DHRSX: variants seen among roughly 807,000 people sequenced by gnomAD.
DHRSX encodes dehydrogenase/reductase X-linked.
DHRSX carries 31 observed loss-of-function variants against 34.0 expected under a neutral mutation model. The observed-to-expected ratio is 0.91, with a 90% CI of 0.69 to 1.23. DHRSX has a LOEUF of 1.23. Among genes scored for constraint, DHRSX ranks in the 50% most tolerant of loss-of-function variants. The pLI, the probability that DHRSX is intolerant of heterozygous loss-of-function variation, is 0.00. For missense variants in DHRSX, 414 were observed against 428.1 expected (o/e 0.97, Z 0.29); for synonymous variants, 201 against 183.8 (o/e 1.09, Z -0.76).
At chrX:2,325,276 A>G (rs2042367540) in intron 3 of DHRSX, among the ~76,000 whole-genome samples, 2 of 151,794 alleles carry the variant, frequency 1.3e-5, no homozygotes, top group Non-Finnish European at 1.5e-5. Flanking sequence ...TGGCGGCTCC[A>G]TCTTCCGGGC....
intron 1 of DHRSX, chrX:2,489,561 C>T: frequency 5.6e-6 from 9 of 1,612,716 alleles, no homozygotes; most frequent in Non-Finnish European, 7.6e-6. Flanking sequence ...TCGCTGGCCT[C>T]CAGCATGAGG....
intron 3 of DHRSX, among the ~76,000 whole-genome samples, chrX:2,400,598 C>T (rs1307313011): frequency 6.6e-6 from 1 of 152,138 alleles, no homozygotes; most frequent in Non-Finnish European, 1.5e-5. Context: ...TCAGAAGATA[C>T]CTGTGCACAG....
At chrX:2,500,744 G>C in intron 1 of DHRSX, 73 bp downstream of exon 1, 96 of 440,762 alleles carry the variant, frequency 2.2e-4, no homozygotes, top group Middle Eastern at 1.1e-3. Context: ...CGGAGCCCCC[G>C]CGCCCCCGCC....
At chrX:2,270,807 C>A (rs2041541055) in intron 4 of DHRSX, among the ~76,000 whole-genome samples, 1 of 152,176 alleles carries the variant, frequency 6.6e-6, no homozygotes, top group South Asian at 2.1e-4. Flanking sequence ...ATTGTAAAGG[C>A]ACCAATCAGC....
chrX:2,314,179 AGGAAGGAG>A (rs1167168419), intron 3 of DHRSX, among the ~76,000 whole-genome samples: 5 of 117,104 alleles, frequency 4.3e-5, no homozygotes, highest in African/African-American at 1.3e-4. Flanking sequence ...GAGGGACGGA[AGGAAGGAG>A]GGAAGGAGGG....
chrX:2,321,046 C>T (rs1398558456), intron 3 of DHRSX, among the ~76,000 whole-genome samples: 2 of 152,064 alleles, frequency 1.3e-5, no homozygotes, highest in Non-Finnish European at 2.9e-5. Context: ...CCACTTCAGC[C>T]GAACACTGGC....
At chrX:2,315,457 C>G (rs2042231095) in intron 3 of DHRSX, among the ~76,000 whole-genome samples, 1 of 152,092 alleles carries the variant, frequency 6.6e-6, no homozygotes, top group Admixed American at 6.6e-5. Flanking sequence ...GTCTGAGGAT[C>G]CTGTTTCTTG....
chrX:2,263,766 C>T (rs2041398495), intron 5 of DHRSX, among the ~76,000 whole-genome samples: 1 of 152,164 alleles, frequency 6.6e-6, no homozygotes, highest in Non-Finnish European at 1.5e-5. Flanking sequence ...CTGCCTCAGC[C>T]TCCCAAAGTG....
At chrX:2,328,079 C>A (rs771586167) in intron 3 of DHRSX, among the ~76,000 whole-genome samples, 186 of 118,474 alleles carry the variant, frequency 1.6e-3, no homozygotes, top group Non-Finnish European at 1.9e-3. Context: ...GACTCCGTCT[C>A]AAAAAAAAAA....
intron 3 of DHRSX, among the ~76,000 whole-genome samples, chrX:2,343,099 A>T (rs2042660367): frequency 6.6e-6 from 1 of 152,128 alleles, no homozygotes; most frequent in Non-Finnish European, 1.5e-5. Context: ...TCCGACCAAA[A>T]ACATACCAAC....
intron 4 of DHRSX, among the ~76,000 whole-genome samples, chrX:2,287,027 GT>G (rs2041812504): frequency 6.6e-6 from 1 of 152,152 alleles, no homozygotes; most frequent in Non-Finnish European, 1.5e-5. Context: ...CAAGAGGTGT[GT>G]TTTCTAAGGC....
At chrX:2,371,256 ATTACCATAGACCCTTCTACTTCTG>A (rs1251884756) in intron 3 of DHRSX, among the ~76,000 whole-genome samples, 3 of 133,390 alleles carry the variant, frequency 2.2e-5, no homozygotes, top group Non-Finnish European at 3.1e-5. Flanking sequence ...TCCCTCCTCC[ATTACCATAGACCCTTCTACTTCTG>A]TTACCATAGT....
chrX:2,433,766 G>A (rs1304711453), intron 1 of DHRSX, among the ~76,000 whole-genome samples: 1 of 151,988 alleles, frequency 6.6e-6, no homozygotes, highest in Non-Finnish European at 1.5e-5. Context: ...GTATTCCATG[G>A]TGTATTTTTC....
intron 6 of DHRSX, among the ~76,000 whole-genome samples, chrX:2,230,448 T>TGGC (rs1409188913): frequency 3.3e-5 from 5 of 152,176 alleles, no homozygotes; most frequent in African/African-American, 1.2e-4. Flanking sequence ...AGAGAGGAGA[T>TGGC]GGCTTGTGCT....
chrX:2,364,981 G>C (rs1425756041), intron 3 of DHRSX, among the ~76,000 whole-genome samples: 3 of 152,032 alleles, frequency 2.0e-5, no homozygotes, highest in Non-Finnish European at 4.4e-5. Context: ...TTTCAACTGA[G>C]CAAAATTTCG....
chrX:2,358,677 A>G (rs1170992918), intron 3 of DHRSX, among the ~76,000 whole-genome samples: 4 of 152,174 alleles, frequency 2.6e-5, no homozygotes, highest in Admixed American at 6.5e-5. Flanking sequence ...CCCATTTCAT[A>G]GACGAGGAAA....
chrX:2,489,576 G>A (rs759740581), intron 1 of DHRSX: 13 of 1,612,644 alleles, frequency 8.1e-6, no homozygotes, highest in African/African-American at 4.0e-5. Flanking sequence ...ATGAGGTGGT[G>A]GTTGTTGCTG....
chrX:2,369,803 C>T (rs1282398936), intron 3 of DHRSX, among the ~76,000 whole-genome samples: 1 of 129,794 alleles, frequency 7.7e-6, no homozygotes, highest in East Asian at 2.0e-4. Flanking sequence ...AGCACCCAGC[C>T]CCAGCTATTT....
intron 3 of DHRSX, among the ~76,000 whole-genome samples, chrX:2,333,864 T>A (rs757941288): frequency 2.0e-5 from 3 of 152,318 alleles, no homozygotes; most frequent in African/African-American, 4.8e-5. Flanking sequence ...TATGTTCTTG[T>A]ATTAGTTTGC....
Sources: gnomAD v4.1 joint callset for allele counts (sites outside exome capture counted in the v4.1 genomes callset) on GRCh38, gnomAD v4.1.1 for gene constraint, MANE v1.5 for transcripts, NCBI Gene and HGNC (gene_info 2026-07-23, HGNC 2026-07-21) for gene names.